The following RHOU variants were observed in gnomAD, a reference collection of about 807,000 sequenced individuals.
RHOU encodes rho-related GTP-binding protein RhoU.
A neutral mutation model predicts 12.6 loss-of-function variants in RHOU; 8 were observed. The observed-to-expected ratio is 0.64, with a 90% confidence interval of 0.37 to 1.15. The LOEUF (loss-of-function observed/expected upper bound fraction) is 1.15, where lower values mean the gene tolerates loss of function less well. Among genes scored for constraint, RHOU ranks in the 50% most tolerant of loss-of-function variants. RHOU has a pLI of 0.01. For missense variants in RHOU, 258 were observed against 347.0 expected (o/e 0.74, Z 2.04); for synonymous variants, 161 against 147.4 (o/e 1.09, Z -0.67).
At chr1:228,652,784 A>G in the RHOU span, among the ~76,000 whole-genome samples, 1 of 152,212 alleles carries the variant, frequency 6.6e-6, no homozygotes, top group African/African-American at 2.4e-5. Flanking sequence ...CATGACTTTT[A>G]TTTAAAATAC....
chr1:228,717,119 G>A, the RHOU span, among the ~76,000 whole-genome samples: 1 of 152,184 alleles, frequency 6.6e-6, no homozygotes, highest in African/African-American at 2.4e-5. Flanking sequence ...GAAGTCAAGA[G>A]TTAGTCTTTT....
At chr1:228,648,971 C>A in the RHOU span, among the ~76,000 whole-genome samples, 1 of 152,068 alleles carries the variant, frequency 6.6e-6, no homozygotes, top group East Asian at 1.9e-4. Context: ...TAAAGCCATT[C>A]TCTCGCCTCA....
chr1:228,647,186 C>G, the RHOU span, among the ~76,000 whole-genome samples: 29 of 152,170 alleles, frequency 1.9e-4, no homozygotes, highest in Non-Finnish European at 4.1e-4. Flanking sequence ...TGCGAGAGGA[C>G]CAACGGAGCG....
chr1:228,720,736 C>A, the RHOU span, among the ~76,000 whole-genome samples: 1 of 152,152 alleles, frequency 6.6e-6, no homozygotes, highest in Non-Finnish European at 1.5e-5. Context: ...GTTACTGTGG[C>A]CCTAGCAAAC....
chr1:228,684,947 C>T, the RHOU span, among the ~76,000 whole-genome samples: 36 of 152,272 alleles, frequency 2.4e-4, no homozygotes, highest in Non-Finnish European at 4.0e-4. Context: ...AATAAAAGAA[C>T]GGCTACTCCA....
At chr1:228,707,233 A>G in the RHOU span, among the ~76,000 whole-genome samples, 128 of 41,464 alleles carry the variant, frequency 3.1e-3, 1 homozygote, top group African/African-American at 0.017. Context: ...ATATATACAT[A>G]TGTATATATA....
upstream of RHOU, among the ~76,000 whole-genome samples, chr1:228,732,052 T>C: frequency 6.6e-6 from 1 of 152,202 alleles, no homozygotes; most frequent in South Asian, 2.1e-4. Flanking sequence ...TATAAAAGCA[T>C]AAAAATACAA....
At chr1:228,695,973 T>C in the RHOU span, among the ~76,000 whole-genome samples, 1 of 152,214 alleles carries the variant, frequency 6.6e-6, no homozygotes, top group East Asian at 1.9e-4. Flanking sequence ...ATCAGTCAAC[T>C]CATTAGCATA....
At chr1:228,658,175 G>A in the RHOU span, among the ~76,000 whole-genome samples, 267 of 151,942 alleles carry the variant, frequency 1.8e-3, 2 homozygotes, top group Non-Finnish European at 3.1e-3. Flanking sequence ...AGCTACTCAG[G>A]AGGCTGAAAC....
the RHOU span, among the ~76,000 whole-genome samples, chr1:228,710,367 T>C: frequency 2.2e-4 from 34 of 152,162 alleles, no homozygotes; most frequent in African/African-American, 8.0e-4. Context: ...AAAAAGAGAA[T>C]TTTAGACCAA....
the RHOU span, among the ~76,000 whole-genome samples, chr1:228,704,300 A>T: frequency 6.6e-6 from 1 of 152,160 alleles, no homozygotes; most frequent in Admixed American, 6.6e-5. Context: ...ACATGTCAGG[A>T]ACCCCTGAGG....
At chr1:228,665,052 T>A in the RHOU span, among the ~76,000 whole-genome samples, 1 of 152,238 alleles carries the variant, frequency 6.6e-6, no homozygotes, top group Non-Finnish European at 1.5e-5. Context: ...AGATAGGTAC[T>A]ATTTTATTTT....
At chr1:228,734,029 G>A (rs1662545122), upstream of RHOU, among the ~76,000 whole-genome samples, 1 of 152,058 alleles carries the variant, frequency 6.6e-6, no homozygotes, top group Middle Eastern at 3.4e-3. Flanking sequence ...CCTTCATCCT[G>A]ATTCTGTATC....
the RHOU span, among the ~76,000 whole-genome samples, chr1:228,657,609 T>C: frequency 6.6e-6 from 1 of 152,144 alleles, no homozygotes; most frequent in Non-Finnish European, 1.5e-5. Flanking sequence ...CTACTGGTAA[T>C]AATGGATAGA....
the RHOU span, among the ~76,000 whole-genome samples, chr1:228,688,579 C>T: frequency 6.6e-6 from 1 of 152,166 alleles, no homozygotes; most frequent in East Asian, 1.9e-4. Context: ...TGTGGGGAAT[C>T]GTGCCTTTCC....
upstream of RHOU, among the ~76,000 whole-genome samples, chr1:228,732,484 G>A (rs973869389): frequency 6.6e-6 from 1 of 152,158 alleles, no homozygotes; most frequent in African/African-American, 2.4e-5. Flanking sequence ...ATTCTGTAAA[G>A]GGGTAAAGTG....
the RHOU span, among the ~76,000 whole-genome samples, chr1:228,708,178 C>G: frequency 1.6e-4 from 24 of 152,164 alleles, no homozygotes; most frequent in Non-Finnish European, 1.6e-4. Flanking sequence ...AAATCTACGT[C>G]TGATTGGTGT....
the RHOU span, among the ~76,000 whole-genome samples, chr1:228,671,755 T>G: frequency 6.7e-6 from 1 of 148,310 alleles, no homozygotes. Context: ...GTGAAAAGGA[T>G]TGATGGAAAT....
At chr1:228,726,325 G>A in the RHOU span, among the ~76,000 whole-genome samples, 2 of 152,152 alleles carry the variant, frequency 1.3e-5, no homozygotes, top group Non-Finnish European at 2.9e-5. Flanking sequence ...CTGTTGTCTT[G>A]TGTAAGTCTA....
Sources: allele counts gnomAD v4.1 joint callset (sites outside exome capture counted in the v4.1 genomes callset), GRCh38; gene constraint gnomAD v4.1.1; transcripts MANE v1.5; gene names NCBI Gene and HGNC (gene_info 2026-07-23, HGNC 2026-07-21).